The following UBE2E2 variants were observed in gnomAD, a reference collection of about 807,000 sequenced individuals.
UBE2E2 encodes the protein ubiquitin-conjugating enzyme E2 E2.
UBE2E2 carries 6 observed loss-of-function variants against 24.7 expected under a neutral mutation model. The observed-to-expected ratio is 0.24, with a 90% CI of 0.13 to 0.48. The LOEUF (loss-of-function observed/expected upper bound fraction) is 0.48. UBE2E2 is among the 20% of genes least tolerant of loss of function. The pLI, the probability that UBE2E2 is intolerant of heterozygous loss-of-function variation, is 0.99. For synonymous variants in UBE2E2, 104 were observed against 83.6 expected (o/e 1.24, Z -1.33); for missense variants, 169 against 245.0 (o/e 0.69, Z 2.07).
At chr3:23,309,535 G>A in intron 3 of UBE2E2, among the ~76,000 whole-genome samples, 1 of 152,120 alleles carries the variant, frequency 6.6e-6, no homozygotes, top group Non-Finnish European at 1.5e-5. Flanking sequence ...TCATAGTTTT[G>A]TGGGGTAGGA....
intron 3 of UBE2E2, among the ~76,000 whole-genome samples, chr3:23,229,618 A>C (rs558003077): frequency 6.6e-6 from 1 of 152,192 alleles, no homozygotes; most frequent in African/African-American, 2.4e-5. Context: ...TAGGATTTCA[A>C]CCTTGTTTCT....
chr3:23,340,102 A>G (rs896474311), intron 3 of UBE2E2, among the ~76,000 whole-genome samples: 4 of 152,090 alleles, frequency 2.6e-5, no homozygotes, highest in Non-Finnish European at 5.9e-5. Flanking sequence ...GTTAACCTAT[A>G]TTGGAGGTGA....
chr3:23,439,683 A>G (rs1698257974), intron 3 of UBE2E2, among the ~76,000 whole-genome samples: 1 of 152,190 alleles, frequency 6.6e-6, no homozygotes, highest in African/African-American at 2.4e-5. Flanking sequence ...CACATCTTAT[A>G]ACAATGGAAA....
At chr3:23,277,450 C>T (rs1036839391) in intron 3 of UBE2E2, among the ~76,000 whole-genome samples, 4 of 152,112 alleles carry the variant, frequency 2.6e-5, no homozygotes, top group Non-Finnish European at 5.9e-5. Flanking sequence ...ACTGTGTTTA[C>T]TGTGTAAACC....
At chr3:23,546,948 C>CT (rs564066859) in intron 5 of UBE2E2, among the ~76,000 whole-genome samples, 2 of 152,038 alleles carry the variant, frequency 1.3e-5, no homozygotes, top group Admixed American at 6.6e-5. Context: ...GTTATACATG[C>CT]TTTTTTCCCA....
At chr3:23,288,445 C>A (rs1698676917) in intron 3 of UBE2E2, among the ~76,000 whole-genome samples, 1 of 152,098 alleles carries the variant, frequency 6.6e-6, no homozygotes, top group Non-Finnish European at 1.5e-5. Context: ...GTCTACAGTG[C>A]TGATTAAGTC....
chr3:23,264,041 A>T (rs2125356309), intron 3 of UBE2E2, among the ~76,000 whole-genome samples: 1 of 152,288 alleles, frequency 6.6e-6, no homozygotes, highest in South Asian at 2.1e-4. Flanking sequence ...CGGGTACATG[A>T]TCTTACATAA....
intron 3 of UBE2E2, among the ~76,000 whole-genome samples, chr3:23,295,405 C>G (rs941271248): frequency 8.5e-5 from 13 of 152,048 alleles, no homozygotes; most frequent in African/African-American, 2.7e-4. Flanking sequence ...GTTGCAGATT[C>G]CTCTAAAGAG....
intron 5 of UBE2E2, among the ~76,000 whole-genome samples, chr3:23,576,943 AAGGT>A (rs1696361012): frequency 6.6e-6 from 1 of 151,524 alleles, no homozygotes; most frequent in African/African-American, 2.4e-5. Context: ...TAACAAATTG[AAGGT>A]TAGTAGCAAG....
chr3:23,540,302 TAGC>T (rs1423108729), intron 5 of UBE2E2, among the ~76,000 whole-genome samples: 2 of 152,174 alleles, frequency 1.3e-5, no homozygotes, highest in South Asian at 4.1e-4. Flanking sequence ...AGAATTAAGT[TAGC>T]AGTGGTGAAC....
chr3:23,554,046 TC>T (rs1695716336), intron 5 of UBE2E2, among the ~76,000 whole-genome samples: 1 of 151,622 alleles, frequency 6.6e-6, no homozygotes. Context: ...AAAAAAAAAA[TC>T]CTAAAACTTA....
chr3:23,344,725 C>A (rs558367274), intron 3 of UBE2E2, among the ~76,000 whole-genome samples: 1 of 151,660 alleles, frequency 6.6e-6, no homozygotes, highest in Non-Finnish European at 1.5e-5. Flanking sequence ...CACATACACA[C>A]ACTAAGTGAG....
intron 5 of UBE2E2, among the ~76,000 whole-genome samples, chr3:23,587,338 C>G (rs368327079): frequency 2.0e-5 from 3 of 152,168 alleles, no homozygotes; most frequent in African/African-American, 4.8e-5. Flanking sequence ...CCCTCCACCC[C>G]CTTTGAGCTG....
chr3:23,395,822 A>C (rs1008676354), intron 3 of UBE2E2, among the ~76,000 whole-genome samples: 3 of 152,166 alleles, frequency 2.0e-5, no homozygotes, highest in African/African-American at 7.2e-5. Context: ...GTGTGTGATG[A>C]TTATTTCAGA....
intron 3 of UBE2E2, among the ~76,000 whole-genome samples, chr3:23,487,727 G>C (rs1053318867): frequency 1.3e-5 from 2 of 152,150 alleles, no homozygotes; most frequent in African/African-American, 2.4e-5. Flanking sequence ...GCCAGGATTT[G>C]GACGCTTCAT....
chr3:23,504,338 G>A (rs894517436), intron 4 of UBE2E2, among the ~76,000 whole-genome samples: 4 of 152,120 alleles, frequency 2.6e-5, no homozygotes, highest in Non-Finnish European at 5.9e-5. Flanking sequence ...TCACTTTCAT[G>A]TGGCTGAACA....
At chr3:23,520,085 C>T (rs1172595292) in intron 4 of UBE2E2, among the ~76,000 whole-genome samples, 1 of 151,832 alleles carries the variant, frequency 6.6e-6, no homozygotes, top group Non-Finnish European at 1.5e-5. Flanking sequence ...CTGGAATTTA[C>T]ATAATTTTCT....
At chr3:23,223,662 C>T (rs996930308) in intron 3 of UBE2E2, among the ~76,000 whole-genome samples, 1 of 152,104 alleles carries the variant, frequency 6.6e-6, no homozygotes, top group Non-Finnish European at 1.5e-5. Context: ...CTTTGCTGTG[C>T]AGAAGCTTTT....
chr3:23,490,832 C>A (rs1321080550), intron 3 of UBE2E2, among the ~76,000 whole-genome samples: 1 of 152,162 alleles, frequency 6.6e-6, no homozygotes, highest in Non-Finnish European at 1.5e-5. Context: ...GAGTAGGTAA[C>A]AATAGTGACT....
Sources: gnomAD v4.1 joint callset for allele counts (sites outside exome capture counted in the v4.1 genomes callset) on GRCh38, gnomAD v4.1.1 for gene constraint, MANE v1.5 for transcripts, NCBI Gene and HGNC (gene_info 2026-07-23, HGNC 2026-07-21) for gene names.